The following UNC80 variants were observed in gnomAD, a reference collection of about 807,000 sequenced individuals.
The protein encoded by UNC80 is unc-80 subunit of NALCN channel complex, also known as protein unc-80 homolog.
UNC80 carries 164 observed loss-of-function variants against 384.6 expected under a neutral mutation model. That is an observed-to-expected ratio of 0.43 (90% CI 0.38 to 0.49). The LOEUF (loss-of-function observed/expected upper bound fraction) is 0.49, where lower values mean the gene tolerates loss of function less well. UNC80 is among the 20% of genes least tolerant of loss of function. The pLI is 0.00. For missense variants in UNC80, 3,330 were observed against 4,143.0 expected (o/e 0.80, Z 5.39); for synonymous variants, 1,486 against 1,527.8 (o/e 0.97, Z 0.64).
chr2:209,938,696 CTCTCTCTCTCTCTCTG>C (rs2091414881), intron 42 of UNC80, among the ~76,000 whole-genome samples: 2 of 150,554 alleles, frequency 1.3e-5, no homozygotes, highest in African/African-American at 4.9e-5. Context: ...CTCTCTCTCT[CTCTCTCTCTCTCTCTG>C]TGTGTGTGTG....
At chr2:209,865,199 G>A (rs569306176) in intron 22 of UNC80, among the ~76,000 whole-genome samples, 1 of 151,834 alleles carries the variant, frequency 6.6e-6, no homozygotes, top group East Asian at 1.9e-4. Flanking sequence ...GGATACCTTG[G>A]TTGCCGGTGA....
chr2:209,961,065 G>A (rs903918615), intron 51 of UNC80: 1 of 150,450 alleles, frequency 6.6e-6, no homozygotes. Flanking sequence ...AGATGGATGT[G>A]TGTGTGTGTG....
intron 29 of UNC80, among the ~76,000 whole-genome samples, chr2:209,908,931 G>A (rs1244324919): frequency 6.6e-6 from 1 of 152,152 alleles, no homozygotes; most frequent in African/African-American, 2.4e-5. Flanking sequence ...CCCTTTCTCA[G>A]AGAGCCCAGT....
intron 14 of UNC80, among the ~76,000 whole-genome samples, chr2:209,828,824 T>C (rs1258705141): frequency 1.3e-5 from 2 of 152,224 alleles, no homozygotes; most frequent in Admixed American, 6.5e-5. Context: ...TATTCAGATA[T>C]AGTGTGGCAT....
Position 209,786,980 on chromosome 2 carries a change from C to CATATAT in UNC80, c.724+825_724+830dup, listed in dbSNP as rs60467878. 2.6e-3 allele frequency among the ~76,000 whole-genome samples: 350 copies of CATATAT among 135,696 alleles called. 3 individuals carry two copies. The highest frequency in any genetic ancestry group is 9.4e-3 in the African/African-American group (331 of 35,272). 89.0% of individuals were successfully genotyped at this position (135,696 alleles called of 152,430 possible). A position where few individuals can be genotyped will look rare whatever the true frequency, so the allele number is the denominator to read the frequency against. On this transcript the variant is annotated intron_variant, in intron 5 of 64. Coordinates refer to ENST00000673920, the MANE Select transcript of UNC80 (RefSeq NM_001371986.1). ...AAATTATGTGGAAAATCTACAGAAG[C>CATATAT]ATATATATATATATATATATATATA... is the stretch of plus-strand genomic sequence containing the variant.
rs763243980 is a variant in UNC80 at position 209,930,887 on chromosome 2, T to C, written c.5908-81T>C. On this transcript the variant is annotated intron_variant, in intron 37 of 64. Transcript: ENST00000673920. ...AAAGTAAAAAAAATCCCTCACCCAA[T>C]CCCGAATTTTCAAGAAGTTAATTTT... The C allele has an allele frequency of 1.1e-5, 11 of 984,168 alleles. 1 individual carries two copies. The highest frequency in any genetic ancestry group is 4.9e-5 in the South Asian group (3 of 60,790). The allele number at this position is 984,168 out of a possible 1,614,324, so 61.0% of individuals were successfully genotyped here.
At chr2:209,804,561 T>C (rs1417591907) in intron 7 of UNC80, among the ~76,000 whole-genome samples, 1 of 152,084 alleles carries the variant, frequency 6.6e-6, no homozygotes, top group African/African-American at 2.4e-5. Flanking sequence ...GTGAATCTTT[T>C]TAGGGTCCAC....
At chr2:209,792,492 C>T (rs1180951467) in intron 6 of UNC80, among the ~76,000 whole-genome samples, 3 of 152,144 alleles carry the variant, frequency 2.0e-5, no homozygotes, top group South Asian at 2.1e-4. Flanking sequence ...GGACTACAGG[C>T]GCCCACCACC....
At chr2:209,878,231 A>C in intron 24 of UNC80, 142 bp downstream of exon 24, 4 of 888,714 alleles carry the variant, frequency 4.5e-6, no homozygotes, top group Non-Finnish European at 6.2e-6. Context: ...TTCCCTGTGC[A>C]TGGGTGTAAA....
intron 35 of UNC80, among the ~76,000 whole-genome samples, chr2:209,923,708 T>C (rs2090217736): frequency 1.3e-5 from 2 of 152,162 alleles, no homozygotes; most frequent in Admixed American, 1.3e-4. Flanking sequence ...TACAGTATAC[T>C]TTGTCTGATG....
rs1204197182 is a variant in UNC80 at position 209,771,910 on chromosome 2, G to A, written c.-163G>A. The A allele has an allele frequency of 6.4e-6, 4 of 621,564 alleles. No individual in the cohort carries two copies. Among genetic ancestry groups the A allele is most frequent in the Non-Finnish European group, 6.0e-6 (2 of 332,456 alleles). The allele number at this position is 621,564 out of a possible 1,614,324, so 38.5% of individuals were successfully genotyped here. A position where few individuals can be genotyped will look rare whatever the true frequency, so the allele number is the denominator to read the frequency against. On this transcript the variant is annotated 5_prime_UTR_variant, in exon 1 of 65. Coordinates refer to ENST00000673920, the MANE Select transcript of UNC80 (RefSeq NM_001371986.1). Reference sequence around the variant, plus strand: ...CGCAGCCATGTTCCACGCGCGGGGAGGGGTGGGGGGAGGGGAGAGGCACGG... The same window carrying A: ...CGCAGCCATGTTCCACGCGCGGGGAAGGGTGGGGGGAGGGGAGAGGCACGG...
At chr2:209,795,262 G>C (rs986602711) in intron 7 of UNC80, 1 of 154,348 alleles carries the variant, frequency 6.5e-6, no homozygotes. Context: ...GAACTTGAGA[G>C]AGATGATTTA....
chr2:209,849,208 C>A (rs903991795), intron 21 of UNC80, among the ~76,000 whole-genome samples: 2 of 152,078 alleles, frequency 1.3e-5, no homozygotes, highest in African/African-American at 4.8e-5. Flanking sequence ...AATGATCAAA[C>A]ACTGTATTTA....
At chr2:209,948,075 A>C (rs1313274843) in intron 47 of UNC80, among the ~76,000 whole-genome samples, 1 of 152,004 alleles carries the variant, frequency 6.6e-6, no homozygotes, top group Non-Finnish European at 1.5e-5. Context: ...CAATTTATTT[A>C]TTTCTTCTCT....
chr2:209,949,133 G>A (rs1446615264), intron 47 of UNC80, among the ~76,000 whole-genome samples: 1 of 152,078 alleles, frequency 6.6e-6, no homozygotes, highest in Non-Finnish European at 1.5e-5. Flanking sequence ...ATGTTAATGA[G>A]AGCTATGTCT....
At chr2:209,837,960 A>G (rs2081450074) in intron 18 of UNC80, among the ~76,000 whole-genome samples, 1 of 151,860 alleles carries the variant, frequency 6.6e-6, no homozygotes. Context: ...TTTAGTAGAG[A>G]CGGGGTTTCG....
At chr2:209,850,026 A>G (rs2082412401) in intron 22 of UNC80, among the ~76,000 whole-genome samples, 1 of 152,056 alleles carries the variant, frequency 6.6e-6, no homozygotes, top group Admixed American at 6.6e-5. Context: ...GTGGGCCATT[A>G]TTATTATATT....
intron 25 of UNC80, among the ~76,000 whole-genome samples, chr2:209,885,337 A>G (rs2085688229): frequency 6.6e-6 from 1 of 152,206 alleles, no homozygotes; most frequent in African/African-American, 2.4e-5. Context: ...GCAGAGAGCC[A>G]CGGCTAGCCA....
chr2:209,778,660 A>T (rs950192052), intron 4 of UNC80, among the ~76,000 whole-genome samples: 1 of 152,182 alleles, frequency 6.6e-6, no homozygotes, highest in Non-Finnish European at 1.5e-5. Context: ...CACGGGGTGA[A>T]TATATATGTA....
Sources: allele counts gnomAD v4.1 joint callset (sites outside exome capture counted in the v4.1 genomes callset), GRCh38; gene constraint gnomAD v4.1.1; transcripts MANE v1.5; gene names NCBI Gene and HGNC (gene_info 2026-07-23, HGNC 2026-07-21).